ATP8A2: variants seen among roughly 807,000 people sequenced by gnomAD.
ATP8A2 encodes the protein phospholipid-transporting ATPase IB.
In ATP8A2, 100 loss-of-function variants were observed where a neutral mutation model predicts 165.6. The ratio of observed to expected loss-of-function variants is 0.60; its 90% CI spans 0.51 to 0.71. ATP8A2 has a LOEUF of 0.71. ATP8A2 is among the 30% of genes least tolerant of loss of function. ATP8A2 has a pLI of 0.00. For synonymous variants in ATP8A2, 543 were observed against 548.8 expected (o/e 0.99, Z 0.15); for missense variants, 1,227 against 1,479.5 (o/e 0.83, Z 2.80).
At chr13:25,382,973 T>C (rs1005601691) in intron 1 of ATP8A2, among the ~76,000 whole-genome samples, 4 of 151,420 alleles carry the variant, frequency 2.6e-5, no homozygotes, top group Non-Finnish European at 4.4e-5. Context: ...GCCAGGATGG[T>C]CTCCATCTCC....
chr13:25,648,172 T>C (rs896953641), intron 24 of ATP8A2, among the ~76,000 whole-genome samples: 4 of 152,198 alleles, frequency 2.6e-5, no homozygotes, highest in Non-Finnish European at 5.9e-5. Context: ...CATTTATTCT[T>C]TTCTCAGATT....
At chr13:25,542,448 G>A (rs192541441) in intron 9 of ATP8A2, among the ~76,000 whole-genome samples, 16 of 151,106 alleles carry the variant, frequency 1.1e-4, no homozygotes, top group Admixed American at 9.2e-4. Context: ...AAAGTTGAGT[G>A]AAATGAACAC....
intron 1 of ATP8A2, among the ~76,000 whole-genome samples, chr13:25,456,454 A>G (rs1342864434): frequency 1.3e-5 from 2 of 152,208 alleles, no homozygotes; most frequent in African/African-American, 4.8e-5. Context: ...GTCATGTGAG[A>G]CTGAGAAATG....
intron 2 of ATP8A2, among the ~76,000 whole-genome samples, chr13:25,493,283 T>A (rs1226459923): frequency 6.6e-6 from 1 of 152,218 alleles, no homozygotes; most frequent in Non-Finnish European, 1.5e-5. Flanking sequence ...GGTGGTGATG[T>A]TACTATTTTA....
At chr13:25,555,776 C>G (rs753055491) in intron 13 of ATP8A2, among the ~76,000 whole-genome samples, 3 of 152,014 alleles carry the variant, frequency 2.0e-5, no homozygotes, top group African/African-American at 7.3e-5. Context: ...CGCTTTTCCC[C>G]AACCCCATCT....
intron 34 of ATP8A2, among the ~76,000 whole-genome samples, chr13:25,965,811 A>T (rs1388962874): frequency 6.6e-6 from 1 of 152,186 alleles, no homozygotes; most frequent in African/African-American, 2.4e-5. Context: ...GAATGACTTC[A>T]TTTCCTTATT....
At chr13:25,780,332 A>G (rs1017287939) in intron 27 of ATP8A2, among the ~76,000 whole-genome samples, 2 of 152,202 alleles carry the variant, frequency 1.3e-5, no homozygotes, top group Non-Finnish European at 2.9e-5. Context: ...GATATTATAT[A>G]CAGCTTGGAG....
rs1159151808 is a variant in ATP8A2 at position 25,577,256 on chromosome 13, T to C, written c.1782+118T>C. ...TTGTTTGTCCAGAGTTGAAAGACTG[T>C]TTCAGGTAGGCTGTGAAGTTGACTT... On this transcript the variant is annotated intron_variant, in intron 20 of 36. Coordinates refer to ENST00000381655, the MANE Select transcript of ATP8A2 (RefSeq NM_016529.6). The C allele has an allele frequency of 4.5e-6, 4 of 896,070 alleles. No homozygotes were observed. In the African/African-American group the frequency reaches 5.0e-5, roughly 11 times the overall value. 55.5% of individuals were successfully genotyped at this position (896,070 alleles called of 1,614,324 possible).
At chr13:25,576,217 G>GA (rs1259523369) in intron 19 of ATP8A2, among the ~76,000 whole-genome samples, 1 of 152,148 alleles carries the variant, frequency 6.6e-6, no homozygotes, top group Non-Finnish European at 1.5e-5. Context: ...ACCCAGAGCT[G>GA]AAGAGAGACT....
chr13:25,624,268 G>A (rs1264805765), intron 24 of ATP8A2, among the ~76,000 whole-genome samples: 4 of 152,146 alleles, frequency 2.6e-5, no homozygotes, highest in Non-Finnish European at 4.4e-5. Context: ...TATGACTTTG[G>A]CAGAGATGGT....
At chr13:25,407,958 T>G (rs925998054) in intron 1 of ATP8A2, among the ~76,000 whole-genome samples, 9 of 152,086 alleles carry the variant, frequency 5.9e-5, no homozygotes, top group African/African-American at 2.2e-4. Context: ...AAATACATAA[T>G]GCATGCGGGG....
chr13:25,466,422 TCCA>T (rs2035670050), intron 1 of ATP8A2, among the ~76,000 whole-genome samples: 1 of 152,116 alleles, frequency 6.6e-6, no homozygotes, highest in Non-Finnish European at 1.5e-5. Context: ...CAGAATCTAT[TCCA>T]CCACCTGCCC....
At chr13:25,406,102 T>A (rs1398168859) in intron 1 of ATP8A2, among the ~76,000 whole-genome samples, 1 of 152,178 alleles carries the variant, frequency 6.6e-6, no homozygotes, top group African/African-American at 2.4e-5. Flanking sequence ...AGTGGTCAGG[T>A]CTATGCAAAC....
At chr13:25,398,989 T>C (rs984358754) in intron 1 of ATP8A2, among the ~76,000 whole-genome samples, 2 of 152,258 alleles carry the variant, frequency 1.3e-5, no homozygotes, top group African/African-American at 4.8e-5. Flanking sequence ...TTACTACTAT[T>C]ACCCTTTTCC....
intron 25 of ATP8A2, among the ~76,000 whole-genome samples, chr13:25,708,850 C>G (rs1420599489): frequency 6.6e-6 from 1 of 152,196 alleles, no homozygotes; most frequent in African/African-American, 2.4e-5. Context: ...TCAGCAGGAG[C>G]TAGGTCAGAC....
At chr13:25,839,274 G>A (rs540113377) in intron 29 of ATP8A2, among the ~76,000 whole-genome samples, 3 of 152,296 alleles carry the variant, frequency 2.0e-5, no homozygotes, top group African/African-American at 7.2e-5. Context: ...TTCACATGTG[G>A]ATAGATTGTG....
chr13:25,531,169 TATATG>T (rs1313665997), intron 4 of ATP8A2, among the ~76,000 whole-genome samples: 1 of 90,598 alleles, frequency 1.1e-5, no homozygotes, highest in Non-Finnish European at 2.4e-5. Context: ...ATATATATGT[TATATG>T]ATATATATAT....
chr13:25,709,544 C>T (rs2043118869), intron 25 of ATP8A2, among the ~76,000 whole-genome samples: 1 of 151,942 alleles, frequency 6.6e-6, no homozygotes, highest in South Asian at 2.1e-4. Context: ...AACAGAATAA[C>T]AATAGTAGGG....
Position 25,769,095 on chromosome 13 carries a change from G to T in ATP8A2, c.2434G>T (p.Val812Leu). 1 of 1,614,200 alleles carries T rather than the reference G, an allele frequency of 6.2e-7. No individual in the cohort carries two copies. Among genetic ancestry groups the T allele is most frequent in the Non-Finnish European group, 8.5e-7 (1 of 1,180,036 alleles). ...GATAGTGGATGTGGTGAAGAAGCGGGTGAAGGCCATCACCCTCGCCATCGG... is the reference window on the plus strand; with the variant it reads ...GATAGTGGATGTGGTGAAGAAGCGGTTGAAGGCCATCACCCTCGCCATCGG... ...SEIVDVVKKR[V>L]KAITLAIGDG... Residue 812 changes from valine (V) to leucine (L), a missense_variant, in exon 26 of 37, where the codon GTG becomes TTG. Around this residue, in one of 5 missense-constraint regions of ATP8A2, gnomAD observed 592 missense variants for 785.6 expected, o/e 0.75. Transcript: ENST00000381655.
Sources: gnomAD v4.1 joint callset for allele counts (sites outside exome capture counted in the v4.1 genomes callset) on GRCh38, gnomAD v4.1.1 for gene constraint, gnomAD v4.1.1 regional missense constraint, MANE v1.5 for transcripts, NCBI Gene and HGNC (gene_info 2026-07-23, HGNC 2026-07-21) for gene names.